The following PCDHGA9 variants were observed in gnomAD, a reference collection of about 807,000 sequenced individuals.
PCDHGA9 encodes the protein protocadherin gamma-A9.
PCDHGA9 carries 37 observed loss-of-function variants against 62.5 expected under a neutral mutation model. The ratio of observed to expected loss-of-function variants is 0.59; its 90% CI spans 0.46 to 0.78. The LOEUF is 0.78. Ranked by LOEUF, PCDHGA9 falls within the 30% of genes least tolerant of loss-of-function variation. The probability of loss-of-function intolerance (pLI) is 0.00; values close to 1 mark genes in which losing one functional copy is unlikely to be tolerated. For missense variants in PCDHGA9, 1,138 were observed against 1,166.2 expected (o/e 0.98, Z 0.35); for synonymous variants, 459 against 484.6 (o/e 0.95, Z 0.69).
At chr5:141,438,249 A>G (rs1166079222) in intron 1 of PCDHGA9, among the ~76,000 whole-genome samples, 2 of 152,168 alleles carry the variant, frequency 1.3e-5, no homozygotes, top group Non-Finnish European at 2.9e-5. Context: ...AAAAACTGTC[A>G]TTGAAGAGAC....
At chr5:141,408,297 C>G in intron 1 of PCDHGA9, 1 of 1,613,652 alleles carries the variant, frequency 6.2e-7, no homozygotes, top group East Asian at 2.2e-5. Flanking sequence ...CTGAGTGAGC[C>G]GATCCGCTAC....
At chr5:141,422,806 C>T (rs868426196) in intron 1 of PCDHGA9, 2 of 1,614,208 alleles carry the variant, frequency 1.2e-6, no homozygotes, top group Non-Finnish European at 1.7e-6. Flanking sequence ...TGAGCAGTTT[C>T]GAGACTTAGA....
At chr5:141,422,597 C>T in intron 1 of PCDHGA9, 1 of 1,614,102 alleles carries the variant, frequency 6.2e-7, no homozygotes, top group Non-Finnish European at 8.5e-7. Context: ...CCTCACTCCT[C>T]TTACTCTGCC....
At chr5:141,506,053 T>C (rs1486313858) in intron 3 of PCDHGA9, among the ~76,000 whole-genome samples, 1 of 152,126 alleles carries the variant, frequency 6.6e-6, no homozygotes, top group Non-Finnish European at 1.5e-5. Context: ...TCCCATAAGG[T>C]TGACTAAGGG....
At chr5:141,449,380 G>C (rs1011160817) in intron 1 of PCDHGA9, among the ~76,000 whole-genome samples, 3 of 151,950 alleles carry the variant, frequency 2.0e-5, no homozygotes, top group African/African-American at 7.3e-5. Flanking sequence ...GCTGAGGCAG[G>C]TGGATTACTT....
In PCDHGA9 at chr5:141,402,807, T is replaced by G; in HGVS notation, c.-146T>G. On this transcript the variant is annotated 5_prime_UTR_variant, in exon 1 of 4. Transcript: ENST00000573521. ...CTGCGGCTACACAAAACCCGGCAGA[T>G]ACCACAAACCTGCTCCCAGGCTGCA... The G allele has an allele frequency of 1.7e-6, 2 of 1,165,464 alleles. No individual in the cohort carries two copies. The highest frequency in any genetic ancestry group is 2.3e-6 in the Non-Finnish European group (2 of 865,052). The allele number at this position is 1,165,464 out of a possible 1,614,324, so 72.2% of individuals were successfully genotyped here. A position where few individuals can be genotyped will look rare whatever the true frequency, so the allele number is the denominator to read the frequency against.
rs1298454674 is a variant in PCDHGA9, at chr5:141,438,625, TATATATATATAC to T, written c.2424+33251_2424+33262del. 7.7e-3 allele frequency among the ~76,000 whole-genome samples: 357 copies of T among 46,390 alleles called. 5 individuals are homozygous for T. The East Asian group carries it at 0.082, about 11-fold the overall frequency. 30.4% of individuals were successfully genotyped at this position (46,390 alleles called of 152,430 possible). A position where few individuals can be genotyped will look rare whatever the true frequency, so the allele number is the denominator to read the frequency against. On this transcript the variant is annotated intron_variant, in intron 1 of 3. Transcript: ENST00000573521. ...ATATATATATATATATATATATATATATATATATATACACACACACACACACATATATGTATA... is the reference window on the plus strand; with the variant it reads ...ATATATATATATATATATATATATATACACACACACACACATATATGTATA...
At chr5:141,423,424 T>C in intron 1 of PCDHGA9, 1 of 1,614,004 alleles carries the variant, frequency 6.2e-7, no homozygotes, top group Non-Finnish European at 8.5e-7. Flanking sequence ...TGAAGGCGGG[T>C]TGGCAGGTAT....
intron 1 of PCDHGA9, chr5:141,414,828 G>A (rs780047810): frequency 1.4e-5 from 22 of 1,614,092 alleles, no homozygotes; most frequent in Non-Finnish European, 1.8e-5. Flanking sequence ...GCAACGTGTC[G>A]TTGAGCCTGT....
rs989723883 is a variant in PCDHGA9, at chr5:141,403,039, T to A, written c.87T>A (p.Ser29Arg). The A allele has an allele frequency of 4.0e-5, 64 of 1,614,050 alleles. No homozygotes were observed. The highest frequency in any genetic ancestry group is 5.4e-5 in the Non-Finnish European group (64 of 1,179,906). The part of the protein sequence containing the change: ...LLGMLWEARA[S>R]QIRYSVPEET... ...GGATGCTATGGGAGGCCAGGGCCAG[T>A]CAGATTCGCTACTCAGTGCCTGAAG... is the stretch of plus-strand genomic sequence containing the variant. Residue 29 changes from serine to arginine, a missense_variant, in exon 1 of 4, where the codon AGT (serine) becomes AGA (arginine). Ser to Arg is a moderately radical substitution (Grantham distance 110, BLOSUM62 -1). Transcript: ENST00000573521.
Position 141,404,599 on chromosome 5 carries a change from A to G in PCDHGA9, c.1647A>G (p.Arg549=). 2.5e-6 allele frequency: 4 copies of G among 1,613,988 alleles called. 1 individual carries two copies. In the East Asian group the frequency reaches 8.9e-5, roughly 36 times the overall value. ...SPPLSSNVSL[R]LFVLDQNDNA... is the part of the protein sequence containing the mutation. ...CACTTAGCAGCAATGTGTCATTGAG[A>G]CTGTTTGTTTTGGACCAGAATGACA... is the stretch of plus-strand genomic sequence containing the variant. Residue 549 remains arginine (R), a synonymous_variant, in exon 1 of 4, where the codon AGA becomes AGG. Coordinates refer to ENST00000573521, the MANE Select transcript of PCDHGA9 (RefSeq NM_018921.3).
intron 1 of PCDHGA9, chr5:141,419,098 G>A (rs993605209): frequency 8.7e-6 from 14 of 1,613,812 alleles, no homozygotes; most frequent in African/African-American, 2.7e-5. Context: ...TGGATCGGGA[G>A]CAGACCCCAG....
At chr5:141,419,443 C>A in intron 1 of PCDHGA9, 1 of 1,613,080 alleles carries the variant, frequency 6.2e-7, no homozygotes, top group Non-Finnish European at 8.5e-7. Context: ...TGCGCACCTT[C>A]GAGCTCACGC....
At chr5:141,507,865 T>C (rs2099864402) in intron 3 of PCDHGA9, among the ~76,000 whole-genome samples, 1 of 152,128 alleles carries the variant, frequency 6.6e-6, no homozygotes. Context: ...CACACCCGCT[T>C]CCTAGCCCTG....
intron 2 of PCDHGA9, among the ~76,000 whole-genome samples, chr5:141,500,985 C>T (rs2099804537): frequency 6.6e-6 from 1 of 152,048 alleles, no homozygotes; most frequent in Non-Finnish European, 1.5e-5. Flanking sequence ...TCTCCTGCCT[C>T]AGCCTCCTGA....
Position 141,432,061 on chromosome 5 carries a change from G to A in PCDHGA9, c.2424+26685G>A. 1 of 1,614,130 alleles carries A rather than the reference G, an allele frequency of 6.2e-7. No homozygotes were observed. The highest frequency in any genetic ancestry group is 8.5e-7 in the Non-Finnish European group (1 of 1,180,034). ...ACCGGGGAACCCCGCCCCTATCCAC[G>A]GAAACTCATATCTCGCTGAACGTGG... On this transcript the variant is annotated intron_variant, in intron 1 of 3. Coordinates refer to ENST00000573521, the MANE Select transcript of PCDHGA9 (RefSeq NM_018921.3). The surrounding 1 kb of genome is among the most constrained non-coding windows in gnomAD (Gnocchi z 6.0).
intron 2 of PCDHGA9, among the ~76,000 whole-genome samples, 170 bp from the exon 3 acceptor site, chr5:141,505,223 A>G (rs746167057): frequency 1.9e-4 from 29 of 152,176 alleles, no homozygotes; most frequent in Admixed American, 6.5e-5. Flanking sequence ...GACTTGTGGG[A>G]TTCTGGCTTC....
At chr5:141,420,469 T>C in intron 1 of PCDHGA9, 1 of 724,306 alleles carries the variant, frequency 1.4e-6, no homozygotes. Flanking sequence ...AAAGACATTT[T>C]AAAGCAAACT....
intron 1 of PCDHGA9, chr5:141,422,797 G>A (rs1037091316): frequency 2.5e-6 from 4 of 1,614,244 alleles, no homozygotes; most frequent in Non-Finnish European, 3.4e-6. Context: ...CTTCGACTAT[G>A]AGCAGTTTCG....
Sources: allele counts gnomAD v4.1 joint callset (sites outside exome capture counted in the v4.1 genomes callset), GRCh38; gene constraint gnomAD v4.1.1; non-coding constraint Gnocchi (gnomAD v3.1); transcripts MANE v1.5; gene names NCBI Gene and HGNC (gene_info 2026-07-23, HGNC 2026-07-21).